Variants in C8orf34 observed in about 807,000 individuals in gnomAD.
C8orf34 encodes the protein chromosome 8 open reading frame 34, also known as uncharacterized protein C8orf34.
Under a neutral mutation model 68.3 loss-of-function variants are expected in C8orf34, and 65 were observed. That is an observed-to-expected ratio of 0.95 (90% CI 0.78 to 1.17). The LOEUF (loss-of-function observed/expected upper bound fraction) is 1.17, where lower values mean the gene tolerates loss of function less well. Ranked by LOEUF, C8orf34 falls within the 50% of genes most tolerant of loss-of-function variation. The pLI is 0.00. For missense variants in C8orf34, 664 were observed against 655.4 expected (o/e 1.01, Z -0.14); for synonymous variants, 244 against 241.2 (o/e 1.01, Z -0.11).
intron 7 of C8orf34, among the ~76,000 whole-genome samples, chr8:68,554,095 T>C (rs1816174071): frequency 6.6e-6 from 1 of 152,156 alleles, no homozygotes; most frequent in Non-Finnish European, 1.5e-5. Context: ...TAAAAATATC[T>C]ACAGGTTTAT....
At chr8:68,761,825 CT>C (rs1235434252) in intron 10 of C8orf34, among the ~76,000 whole-genome samples, 1 of 152,180 alleles carries the variant, frequency 6.6e-6, no homozygotes, top group Non-Finnish European at 1.5e-5. Flanking sequence ...AAATTCTCCC[CT>C]GCCTCCTTTT....
At chr8:68,559,065 A>C (rs2130137212) in intron 7 of C8orf34, among the ~76,000 whole-genome samples, 1 of 152,314 alleles carries the variant, frequency 6.6e-6, no homozygotes, top group Middle Eastern at 3.4e-3. Flanking sequence ...GATGCAGGAA[A>C]CCAATGAGAG....
rs565197671 is a variant in C8orf34, at chr8:68,646,105, T to C, written c.1241+5594T>C. On this transcript the variant is annotated intron_variant, in intron 8 of 13. Coordinates refer to ENST00000518698, the MANE Select transcript of C8orf34 (RefSeq NM_052958.4). ...TTAGTTAATACATCTGTTATGCTTT[T>C]CTCTTGTTACCTTGTCTTTTGTTAT... 2.6e-4 allele frequency among the ~76,000 whole-genome samples: 40 copies of C among 152,274 alleles called. No individual in the cohort carries two copies. In the South Asian group the frequency reaches 2.7e-3, roughly 10 times the overall value.
At chr8:68,646,277 TTTAAA>T (rs1819169785) in intron 8 of C8orf34, among the ~76,000 whole-genome samples, 2 of 151,918 alleles carry the variant, frequency 1.3e-5, no homozygotes, top group Admixed American at 6.6e-5. Context: ...AAAATTTTAA[TTTAAA>T]TTAATTTTAA....
chr8:68,441,174 G>T (rs1034448912), intron 2 of C8orf34, among the ~76,000 whole-genome samples: 4 of 151,968 alleles, frequency 2.6e-5, no homozygotes, highest in African/African-American at 9.7e-5. Flanking sequence ...GCACGGTTTA[G>T]CTGAGTCTTC....
chr8:68,388,097 T>C (rs761058577), intron 1 of C8orf34, among the ~76,000 whole-genome samples: 3 of 152,178 alleles, frequency 2.0e-5, no homozygotes, highest in Non-Finnish European at 4.4e-5. Context: ...TCCATGAAGA[T>C]TGCTTCTGGT....
intron 9 of C8orf34, among the ~76,000 whole-genome samples, chr8:68,717,720 G>A: frequency 6.6e-6 from 1 of 151,934 alleles, no homozygotes; most frequent in Non-Finnish European, 1.5e-5. Context: ...TTATATAAAT[G>A]TTTTACAGAT....
chr8:68,798,805 A>G (rs1824251209), intron 12 of C8orf34, among the ~76,000 whole-genome samples: 1 of 152,224 alleles, frequency 6.6e-6, no homozygotes, highest in Non-Finnish European at 1.5e-5. Context: ...TGATATTATG[A>G]AAGGTCCAAT....
At chr8:68,652,154 G>A (rs1453942883) in intron 8 of C8orf34, among the ~76,000 whole-genome samples, 1 of 152,224 alleles carries the variant, frequency 6.6e-6, no homozygotes, top group African/African-American at 2.4e-5. Context: ...AGAGGAAGGT[G>A]AGCCAGTACT....
intron 8 of C8orf34, among the ~76,000 whole-genome samples, chr8:68,679,309 AAAAAC>A (rs1348270542): frequency 1.3e-5 from 2 of 152,008 alleles, no homozygotes; most frequent in African/African-American, 2.4e-5. Flanking sequence ...AACAAAAACA[AAAAAC>A]AAAAGCTATT....
At chr8:68,348,402 C>T (rs13282251) in intron 1 of C8orf34, among the ~76,000 whole-genome samples, 61,894 of 151,862 alleles carry the variant, frequency 0.41, 12,799 homozygotes, top group Non-Finnish European at 0.44. Context: ...TATGTGATGT[C>T]TCCAGCTTTG....
At chr8:68,419,155 G>A (rs1298002716) in intron 1 of C8orf34, among the ~76,000 whole-genome samples, 5 of 151,872 alleles carry the variant, frequency 3.3e-5, no homozygotes, top group Admixed American at 2.0e-4. Context: ...ACCCCATCAA[G>A]AAGTGGGCGA....
intron 2 of C8orf34, among the ~76,000 whole-genome samples, chr8:68,445,190 A>G (rs1811070888): frequency 6.6e-6 from 1 of 152,196 alleles, no homozygotes; most frequent in African/African-American, 2.4e-5. Context: ...ACAGCTAGTT[A>G]AGTACAACCT....
At chr8:68,758,932 G>A (rs1032423003) in intron 10 of C8orf34, among the ~76,000 whole-genome samples, 7 of 152,000 alleles carry the variant, frequency 4.6e-5, no homozygotes, top group Admixed American at 1.3e-4. Flanking sequence ...TTAGCAACTG[G>A]CACAGCTGTG....
intron 7 of C8orf34, among the ~76,000 whole-genome samples, chr8:68,599,959 G>C (rs1204881345): frequency 6.6e-6 from 1 of 151,874 alleles, no homozygotes; most frequent in East Asian, 1.9e-4. Flanking sequence ...ATCCACAAAA[G>C]TGGGAAAAAA....
intron 7 of C8orf34, among the ~76,000 whole-genome samples, chr8:68,627,205 G>A (rs1818561980): frequency 6.6e-6 from 1 of 151,966 alleles, no homozygotes; most frequent in Non-Finnish European, 1.5e-5. Context: ...CACTCTGAAC[G>A]TTCTGCCTGA....
intron 10 of C8orf34, among the ~76,000 whole-genome samples, chr8:68,752,140 T>C (rs1017076989): frequency 3.3e-5 from 5 of 152,218 alleles, no homozygotes; most frequent in African/African-American, 9.6e-5. Context: ...AAGACTTCCT[T>C]TAAGAGAGGG....
chr8:68,579,835 A>T (rs575202845), intron 7 of C8orf34, among the ~76,000 whole-genome samples: 2 of 152,296 alleles, frequency 1.3e-5, no homozygotes, highest in East Asian at 1.9e-4. Context: ...TTTAACAGTC[A>T]TCGTTAAATG....
chr8:68,723,976 A>T (rs143836477), intron 10 of C8orf34, among the ~76,000 whole-genome samples: 2 of 152,238 alleles, frequency 1.3e-5, no homozygotes, highest in East Asian at 3.9e-4. Flanking sequence ...TTGCATTAAA[A>T]ATTATCCAAT....
Sources: allele counts gnomAD v4.1 joint callset (sites outside exome capture counted in the v4.1 genomes callset), GRCh38; gene constraint gnomAD v4.1.1; transcripts MANE v1.5; gene names NCBI Gene and HGNC (gene_info 2026-07-23, HGNC 2026-07-21).